The following TAF1 variants were observed in gnomAD, a reference collection of about 807,000 sequenced individuals.
The protein encoded by TAF1 is TATA-box binding protein associated factor 1.
Under a neutral mutation model 138.5 loss-of-function variants are expected in TAF1, and 2 were observed. The observed-to-expected ratio is 0.01, with a 90% CI of 0.01 to 0.05. The LOEUF is 0.05. TAF1 is among the 10% of genes least tolerant of loss of function. The pLI, the probability that TAF1 is intolerant of heterozygous loss-of-function variation, is 1.00. For missense variants in TAF1, 709 were observed against 1,478.0 expected, an observed-to-expected ratio of 0.48 and a Z score of 8.53; for synonymous variants, 437 against 503.2, an observed-to-expected ratio of 0.87 and a Z score of 1.76.
intron 13 of TAF1, among the ~76,000 whole-genome samples, chrX:71,509,185 G>T (rs750084992): frequency 1.8e-5 from 2 of 111,655 alleles, no homozygotes; most frequent in Non-Finnish European, 3.8e-5. Flanking sequence ...TGAACAACAG[G>T]CTTATGTTTT....
At chrX:71,393,992 A>G in intron 21 of TAF1, 75 bp from the exon 22 acceptor site, 2 of 1,051,393 alleles carry the variant, frequency 1.9e-6, no homozygotes, top group Non-Finnish European at 2.5e-6. Flanking sequence ...TTTAAGGTTG[A>G]TTTCCCAATT....
intron 13 of TAF1, among the ~76,000 whole-genome samples, chrX:71,518,124 A>G (rs1484027904): frequency 1.8e-5 from 2 of 111,338 alleles, no homozygotes; most frequent in African/African-American, 6.5e-5. Context: ...ATCTAGAAAC[A>G]GATACATAAA....
chrX:71,390,869 C>T (rs1233061045), intron 18 of TAF1, among the ~76,000 whole-genome samples: 1 of 110,688 alleles, frequency 9.0e-6, no homozygotes, highest in Non-Finnish European at 1.9e-5. Context: ...GTGGCGTGCG[C>T]CTGTAATCCC....
chrX:71,412,770 A>G (rs2035863840), intron 28 of TAF1, among the ~76,000 whole-genome samples: 1 of 112,260 alleles, frequency 8.9e-6, no homozygotes, highest in African/African-American at 3.2e-5. Flanking sequence ...TTGTATTTTA[A>G]GTAGAGACGG....
chrX:71,426,388 T>C (rs1037231710), intron 32 of TAF1, among the ~76,000 whole-genome samples: 1 of 111,135 alleles, frequency 9.0e-6, no homozygotes, highest in Admixed American at 9.5e-5. Context: ...AACAGCGATA[T>C]GTAAAGGCAC....
chrX:71,389,529 C>G, intron 17 of TAF1, 56 bp from the exon 18 acceptor site: 1 of 1,008,400 alleles, frequency 9.9e-7, no homozygotes, highest in Non-Finnish European at 1.4e-6. Context: ...AAAAAAAAAA[C>G]TTGTGCTTTG....
chrX:71,500,015 C>T (rs2147568551), intron 13 of TAF1, among the ~76,000 whole-genome samples: 1 of 111,043 alleles, frequency 9.0e-6, no homozygotes, highest in African/African-American at 3.3e-5. Context: ...CCTCCTCCTA[C>T]AGCTTGAAGG....
downstream of TAF1, among the ~76,000 whole-genome samples, chrX:71,468,829 C>T (rs781642947): frequency 1.9e-3 from 201 of 103,264 alleles, no homozygotes; most frequent in Non-Finnish European, 3.2e-3. Flanking sequence ...CCTGTCTCTA[C>T]GAAAAAAAAA....
intron 4 of TAF1, among the ~76,000 whole-genome samples, chrX:71,376,069 T>A (rs188321290): frequency 8.9e-6 from 1 of 112,196 alleles, no homozygotes; most frequent in East Asian, 2.8e-4. Flanking sequence ...CCTATTCCTA[T>A]AACAGTAACT....
chrX:71,472,588 C>T (rs777192853), intron 13 of TAF1, among the ~76,000 whole-genome samples: 10 of 110,724 alleles, frequency 9.0e-5, no homozygotes, highest in African/African-American at 2.0e-4. Flanking sequence ...AAAAACCAGC[C>T]GGGCGTGGTG....
intron 3 of TAF1, among the ~76,000 whole-genome samples, chrX:71,368,407 CTTAG>C (rs935694759): frequency 3.6e-5 from 4 of 111,612 alleles, no homozygotes; most frequent in Non-Finnish European, 5.6e-5. Context: ...GTCATGAATT[CTTAG>C]TTAATGACAA....
At chrX:71,510,323 C>G (rs1185792959) in intron 13 of TAF1, among the ~76,000 whole-genome samples, 2 of 109,111 alleles carry the variant, frequency 1.8e-5, no homozygotes, top group Admixed American at 9.9e-5. Context: ...CTTGAAAACA[C>G]TGGAAATTCC....
At chrX:71,379,446 T>C (rs772794091) in intron 8 of TAF1, among the ~76,000 whole-genome samples, 128 of 108,938 alleles carry the variant, frequency 1.2e-3, no homozygotes, top group African/African-American at 4.0e-3. Context: ...CAAGAGATAG[T>C]GAAATTTTTA....
intron 8 of TAF1, among the ~76,000 whole-genome samples, chrX:71,379,727 C>T (rs1329369510): frequency 9.2e-6 from 1 of 108,336 alleles, no homozygotes; most frequent in Non-Finnish European, 1.9e-5. Context: ...CTCAGCCTCC[C>T]GGGTAGCTGG....
chrX:71,488,543 C>T (rs2039216076), intron 13 of TAF1, among the ~76,000 whole-genome samples: 1 of 110,058 alleles, frequency 9.1e-6, no homozygotes, highest in South Asian at 3.9e-4. Flanking sequence ...ATGCACTGAC[C>T]AATCCCCAGC....
chrX:71,426,249 A>G (rs768376170), intron 32 of TAF1, among the ~76,000 whole-genome samples: 1 of 111,727 alleles, frequency 9.0e-6, no homozygotes, highest in African/African-American at 3.2e-5. Flanking sequence ...TGGCCTCCCA[A>G]AGTGTTAGGA....
At chrX:71,475,701 G>A (rs2038970129) in intron 13 of TAF1, among the ~76,000 whole-genome samples, 1 of 111,150 alleles carries the variant, frequency 9.0e-6, no homozygotes, top group South Asian at 3.7e-4. Context: ...AATAAGTGGA[G>A]AGACAGTCTA....
intron 28 of TAF1, among the ~76,000 whole-genome samples, chrX:71,419,657 A>C (rs1264854611): frequency 5.5e-4 from 61 of 111,713 alleles, no homozygotes; most frequent in Admixed American, 4.6e-3. Flanking sequence ...GGACTGTGAA[A>C]GGTTAGAAGA....
At chrX:71,525,711 C>T (rs1361070380) in intron 13 of TAF1, among the ~76,000 whole-genome samples, 1 of 109,328 alleles carries the variant, frequency 9.1e-6, no homozygotes, top group African/African-American at 3.3e-5. Flanking sequence ...GGAATGCAGT[C>T]GTGTGATCTT....
Sources: gnomAD v4.1 joint callset for allele counts (sites outside exome capture counted in the v4.1 genomes callset) on GRCh38, gnomAD v4.1.1 for gene constraint, MANE v1.5 for transcripts, NCBI Gene and HGNC (gene_info 2026-07-23, HGNC 2026-07-21) for gene names.